ST3GAL3: variants seen among roughly 807,000 people sequenced by gnomAD.
ST3GAL3 encodes the protein ST3 beta-galactoside alpha-2,3-sialyltransferase 3.
A neutral mutation model predicts 50.1 loss-of-function variants in ST3GAL3; 21 were observed. The ratio of observed to expected loss-of-function variants is 0.42; its 90% confidence interval spans 0.30 to 0.60. The LOEUF (loss-of-function observed/expected upper bound fraction) is 0.60, where lower values mean the gene tolerates loss of function less well. ST3GAL3 is among the 20% of genes least tolerant of loss of function. The probability of loss-of-function intolerance (pLI) is 0.19; values close to 1 mark genes in which losing one functional copy is unlikely to be tolerated. For missense variants in ST3GAL3, 353 were observed against 489.4 expected (o/e 0.72, Z 2.63); for synonymous variants, 183 against 190.0 (o/e 0.96, Z 0.30).
chr1:43,886,960 G>A (rs1476200898), intron 5 of ST3GAL3, among the ~76,000 whole-genome samples: 1 of 152,202 alleles, frequency 6.6e-6, no homozygotes, highest in Non-Finnish European at 1.5e-5. Flanking sequence ...CTACTTTGGT[G>A]TCATAGGGAT....
intron 1 of ST3GAL3, among the ~76,000 whole-genome samples, chr1:43,715,274 A>G (rs77787166): frequency 6.6e-6 from 1 of 152,110 alleles, no homozygotes; most frequent in Non-Finnish European, 1.5e-5. Context: ...CAAAAAAAAA[A>G]TGATAAAAAA....
At chr1:43,714,250 C>G (rs7539483) in intron 1 of ST3GAL3, among the ~76,000 whole-genome samples, 1,885 of 138,198 alleles carry the variant, frequency 0.014, 46 homozygotes, top group African/African-American at 0.049. Context: ...GGTGACAAGA[C>G]AGGGAAACTC....
intron 5 of ST3GAL3, among the ~76,000 whole-genome samples, chr1:43,881,465 A>G (rs1558708007): frequency 6.6e-6 from 1 of 152,248 alleles, no homozygotes; most frequent in Non-Finnish European, 1.5e-5. Flanking sequence ...CTGGCCATCA[A>G]CCAGGCTCTT....
intron 5 of ST3GAL3, chr1:43,850,385 C>A: frequency 1.8e-6 from 1 of 557,894 alleles, no homozygotes; most frequent in Non-Finnish European, 3.5e-6. Flanking sequence ...GGTATTTATG[C>A]CCTGCTAGTC....
intron 1 of ST3GAL3, among the ~76,000 whole-genome samples, chr1:43,732,125 C>T (rs1676202426): frequency 6.6e-6 from 1 of 152,154 alleles, no homozygotes; most frequent in African/African-American, 2.4e-5. Context: ...TGCAGATATG[C>T]CTCATTCTTT....
At chr1:43,820,543 A>G (rs975188873) in intron 4 of ST3GAL3, among the ~76,000 whole-genome samples, 6 of 152,182 alleles carry the variant, frequency 3.9e-5, no homozygotes, top group Non-Finnish European at 8.8e-5. Context: ...AAATACTCCT[A>G]AAATACCTTA....
At chr1:43,792,730 A>T (rs899050951) in intron 3 of ST3GAL3, among the ~76,000 whole-genome samples, 1 of 152,200 alleles carries the variant, frequency 6.6e-6, no homozygotes, top group African/African-American at 2.4e-5. Flanking sequence ...AGATCAGCAC[A>T]CCTGCCCCAA....
rs76021432 is a variant in ST3GAL3, at chr1:43,812,876, C to T, written c.167-2015C>T. Among the ~76,000 whole-genome samples the T allele has an allele frequency of 3.1e-3, 419 of 135,244 alleles. 1 individual carries two copies. Among genetic ancestry groups the T allele is most frequent in the African/African-American group, 0.01 (399 of 39,504 alleles). The allele number at this position is 135,244 out of a possible 152,430, so 88.7% of individuals were successfully genotyped here. Reference sequence around the variant, plus strand: ...TTAGAAATTTAATATGCAGTGTGTGCGTGTGTGTGTGTGTGTGAAACAAAA... The same window carrying T: ...TTAGAAATTTAATATGCAGTGTGTGTGTGTGTGTGTGTGTGTGAAACAAAA... On this transcript the variant is annotated intron_variant, in intron 3 of 11. Transcript: ENST00000347631.
At chr1:43,921,367 C>A in intron 11 of ST3GAL3, 1 of 459,826 alleles carries the variant, frequency 2.2e-6, no homozygotes, top group Non-Finnish European at 3.8e-6. Flanking sequence ...AATTGCTTCC[C>A]AAACATCCGT....
At chr1:43,920,756 C>G in intron 10 of ST3GAL3, 26 bp from the exon 11 acceptor site, 1 of 1,614,150 alleles carries the variant, frequency 6.2e-7, no homozygotes, top group Middle Eastern at 1.6e-4. Flanking sequence ...TGCATGCCTT[C>G]TCTCACCCCT....
At chr1:43,911,691 AT>A (rs201013233) in intron 9 of ST3GAL3, among the ~76,000 whole-genome samples, 5,057 of 137,900 alleles carry the variant, frequency 0.037, 120 homozygotes, top group African/African-American at 0.056. Context: ...ATAGATATGG[AT>A]TTTTTTTTTT....
At chr1:43,910,281 C>A (rs1462460319) in intron 9 of ST3GAL3, among the ~76,000 whole-genome samples, 1 of 152,164 alleles carries the variant, frequency 6.6e-6, no homozygotes, top group Non-Finnish European at 1.5e-5. Context: ...CCTGGACCAG[C>A]CAGCACAGCT....
At chr1:43,738,119 G>A (rs1679254293) in intron 2 of ST3GAL3, 1 of 152,190 alleles carries the variant, frequency 6.6e-6, no homozygotes, top group African/African-American at 2.4e-5. Flanking sequence ...AAGAGAGAGA[G>A]AAAGGGGCTC....
In ST3GAL3 at chr1:43,764,838, C is replaced by T. The variant is rs1408558073; in HGVS notation, c.119-27264C>T. Among the ~76,000 whole-genome samples, 3 of 152,340 alleles carry T rather than the reference C, an allele frequency of 2.0e-5. No homozygotes were observed. In the East Asian group the frequency reaches 5.8e-4, roughly 29 times the overall value. On this transcript the variant is annotated intron_variant, in intron 2 of 11. Coordinates refer to ENST00000347631, the MANE Select transcript of ST3GAL3 (RefSeq NM_006279.5). Reference sequence around the variant, plus strand: ...GGCTGACAGTTGAGGCCTTTCTGTCCTTCACCATCCCAGCAGCTGGGGAAT... The same window carrying T: ...GGCTGACAGTTGAGGCCTTTCTGTCTTTCACCATCCCAGCAGCTGGGGAAT...
chr1:43,788,930 A>G (rs1461274246), intron 2 of ST3GAL3, among the ~76,000 whole-genome samples: 1 of 151,998 alleles, frequency 6.6e-6, no homozygotes, highest in Non-Finnish European at 1.5e-5. Context: ...TCTTAATGGA[A>G]GAGTGGGAGG....
chr1:43,928,321 C>T (rs933355717), intron 11 of ST3GAL3, among the ~76,000 whole-genome samples: 1 of 152,124 alleles, frequency 6.6e-6, no homozygotes, highest in African/African-American at 2.4e-5. Flanking sequence ...CAGTTATTGG[C>T]CGGGCACGAT....
At chr1:43,766,156 C>A (rs1246516790) in intron 2 of ST3GAL3, among the ~76,000 whole-genome samples, 1 of 152,146 alleles carries the variant, frequency 6.6e-6, no homozygotes, top group African/African-American at 2.4e-5. Context: ...TGAATACCAC[C>A]CAAGTAGCCC....
At chr1:43,869,501 A>G (rs2072119412) in intron 5 of ST3GAL3, among the ~76,000 whole-genome samples, 1 of 152,214 alleles carries the variant, frequency 6.6e-6, no homozygotes, top group Non-Finnish European at 1.5e-5. Flanking sequence ...TGCTTGCTCC[A>G]GGTGGCTTAA....
At chr1:43,831,495 A>G (rs1296671907) in intron 4 of ST3GAL3, among the ~76,000 whole-genome samples, 1 of 152,268 alleles carries the variant, frequency 6.6e-6, no homozygotes, top group African/African-American at 2.4e-5. Flanking sequence ...GTTCAGGTTC[A>G]GGAACCATCT....
Sources: allele counts gnomAD v4.1 joint callset (sites outside exome capture counted in the v4.1 genomes callset), GRCh38; gene constraint gnomAD v4.1.1; transcripts MANE v1.5; gene names NCBI Gene and HGNC (gene_info 2026-07-23, HGNC 2026-07-21).